LGSN: variants seen among roughly 807,000 people sequenced by gnomAD.
LGSN encodes the protein lengsin, lens protein with glutamine synthetase domain, also known as lengsin.
In LGSN, 21 loss-of-function variants were observed where a neutral mutation model predicts 19.5. That is an observed-to-expected ratio of 1.07 (90% CI 0.76 to 1.55). The LOEUF (loss-of-function observed/expected upper bound fraction) is 1.55, where lower values mean the gene tolerates loss of function less well. LGSN is among the 40% of genes most tolerant of loss of function. LGSN has a pLI of 0.00. For synonymous variants in LGSN, 257 were observed against 215.6 expected (o/e 1.19, Z -1.68); for missense variants, 673 against 608.5 (o/e 1.11, Z -1.12).
the LGSN span, among the ~76,000 whole-genome samples, chr6:63,365,478 AT>A: frequency 6.6e-6 from 1 of 152,200 alleles, no homozygotes; most frequent in Non-Finnish European, 1.5e-5. Flanking sequence ...CCAGGACCAG[AT>A]GGATTCACAG....
At chr6:63,396,136 G>C in the LGSN span, 1 of 155,050 alleles carries the variant, frequency 6.4e-6, no homozygotes, top group Non-Finnish European at 1.4e-5. Context: ...TCATTGTCTG[G>C]TTGCTATCTT....
the LGSN span, among the ~76,000 whole-genome samples, chr6:63,375,656 C>T: frequency 2.0e-5 from 3 of 151,942 alleles, no homozygotes; most frequent in Non-Finnish European, 4.4e-5. Flanking sequence ...TTGCCTTTGG[C>T]TGGTACATTA....
At chr6:63,436,250 T>C in the LGSN span, among the ~76,000 whole-genome samples, 2 of 152,250 alleles carry the variant, frequency 1.3e-5, no homozygotes, top group African/African-American at 2.4e-5. Flanking sequence ...CTGTAAACTT[T>C]ATGAGAGCAG....
In LGSN at chr6:63,280,450, C is replaced by T. The variant is rs1405750053; in HGVS notation, c.1101G>A (p.Lys367=). The T allele has an allele frequency of 6.2e-7, 1 of 1,614,184 alleles. No homozygotes were observed. The highest frequency in any genetic ancestry group is 1.7e-5 in the Admixed American group (1 of 60,030). ...CLMAPSVSCR[K]RYSKDRKDLK... ...GGTCTTTCCTGTCCTTGGAATAACG[C>T]TTTCGGCAGCTAACAGAAGGCGCCA... Residue 367 remains lysine (K), a synonymous_variant, in exon 4 of 4, where the codon AAG becomes AAA. Coordinates refer to ENST00000370657, the MANE Select transcript of LGSN (RefSeq NM_016571.3).
At chr6:63,500,943 G>C in the LGSN span, among the ~76,000 whole-genome samples, 1 of 151,938 alleles carries the variant, frequency 6.6e-6, no homozygotes, top group East Asian at 2.0e-4. Context: ...GGCCAGGCTG[G>C]TCTCAAACTC....
At chr6:63,295,935 G>T (rs1767964676) in intron 1 of LGSN, among the ~76,000 whole-genome samples, 1 of 152,162 alleles carries the variant, frequency 6.6e-6, no homozygotes, top group Non-Finnish European at 1.5e-5. Context: ...GAAAGTGACA[G>T]GGTCAGGGTC....
chr6:63,345,849 A>G, the LGSN span, among the ~76,000 whole-genome samples: 1 of 152,208 alleles, frequency 6.6e-6, no homozygotes, highest in African/African-American at 2.4e-5. Context: ...TCTTTGGTCC[A>G]ATATCTTTTA....
the LGSN span, among the ~76,000 whole-genome samples, chr6:63,487,030 T>C: frequency 2.0e-5 from 3 of 151,914 alleles, no homozygotes; most frequent in African/African-American, 7.3e-5. Flanking sequence ...GAGATGGGGT[T>C]TCACCATGTT....
At chr6:63,312,166 T>C (rs564780002) in intron 1 of LGSN, among the ~76,000 whole-genome samples, 1 of 152,326 alleles carries the variant, frequency 6.6e-6, no homozygotes, top group African/African-American at 2.4e-5. Context: ...TCCCATTGTG[T>C]ATATATATCA....
the LGSN span, among the ~76,000 whole-genome samples, chr6:63,446,060 C>A: frequency 6.6e-6 from 1 of 152,008 alleles, no homozygotes; most frequent in African/African-American, 2.4e-5. Flanking sequence ...ACCAGCCCAG[C>A]CAATACGGTG....
the LGSN span, chr6:63,397,153 T>C: frequency 6.6e-6 from 1 of 152,332 alleles, no homozygotes; most frequent in Non-Finnish European, 1.5e-5. Context: ...GATTGGACCC[T>C]GGGCATTTCA....
chr6:63,541,392 A>G, the LGSN span, among the ~76,000 whole-genome samples: 1 of 151,958 alleles, frequency 6.6e-6, no homozygotes, highest in African/African-American at 2.4e-5. Flanking sequence ...TCTCTACTAA[A>G]AAAACAAAAA....
At chr6:63,372,722 T>C in the LGSN span, among the ~76,000 whole-genome samples, 2 of 152,114 alleles carry the variant, frequency 1.3e-5, no homozygotes, top group Admixed American at 6.6e-5. Context: ...ATGTCAAATC[T>C]TCCATCATAT....
the LGSN span, among the ~76,000 whole-genome samples, chr6:63,528,953 G>T: frequency 6.6e-5 from 10 of 151,854 alleles, no homozygotes; most frequent in Admixed American, 2.0e-4. Context: ...GCTGGGCGTG[G>T]TGGCACATGC....
At chr6:63,411,668 G>A in the LGSN span, among the ~76,000 whole-genome samples, 1 of 152,048 alleles carries the variant, frequency 6.6e-6, no homozygotes, top group Admixed American at 6.6e-5. Context: ...GTCAGACTCT[G>A]AGTCTACAAA....
the LGSN span, among the ~76,000 whole-genome samples, chr6:63,401,820 T>C: frequency 6.6e-6 from 1 of 152,202 alleles, no homozygotes; most frequent in Non-Finnish European, 1.5e-5. Context: ...AGATTTTCTA[T>C]TGGTCAGGAT....
chr6:63,355,006 T>C, the LGSN span, among the ~76,000 whole-genome samples: 1 of 151,800 alleles, frequency 6.6e-6, no homozygotes, highest in Non-Finnish European at 1.5e-5. Context: ...GGTGTGGGTG[T>C]AGGGGAGGAA....
At chr6:63,386,769 T>C in the LGSN span, among the ~76,000 whole-genome samples, 1 of 152,064 alleles carries the variant, frequency 6.6e-6, no homozygotes, top group Non-Finnish European at 1.5e-5. Context: ...TAAGGGGATA[T>C]TATAGTCGTC....
intron 3 of LGSN, 63 bp from the exon 4 acceptor site, chr6:63,281,283 C>A: frequency 1.9e-6 from 2 of 1,062,676 alleles, no homozygotes; most frequent in Non-Finnish European, 1.2e-6. Flanking sequence ...CGGGGGGCGG[C>A]GGGAAAGCCT....
Sources: gnomAD v4.1 joint callset for allele counts (sites outside exome capture counted in the v4.1 genomes callset) on GRCh38, gnomAD v4.1.1 for gene constraint, MANE v1.5 for transcripts, NCBI Gene and HGNC (gene_info 2026-07-23, HGNC 2026-07-21) for gene names.